PRKG1: variants seen among roughly 807,000 people sequenced by gnomAD.
The protein encoded by PRKG1 is protein kinase cGMP-dependent 1.
Under a neutral mutation model 88.1 loss-of-function variants are expected in PRKG1, and 35 were observed. The ratio of observed to expected loss-of-function variants is 0.40; its 90% CI spans 0.30 to 0.53. The LOEUF (loss-of-function observed/expected upper bound fraction) is 0.53, where lower values mean the gene tolerates loss of function less well. Ranked by LOEUF, PRKG1 falls within the 20% of genes least tolerant of loss-of-function variation. The pLI, the probability that PRKG1 is intolerant of heterozygous loss-of-function variation, is 0.59. For synonymous variants in PRKG1, 303 were observed against 292.5 expected (o/e 1.04, Z -0.37); for missense variants, 540 against 839.8 (o/e 0.64, Z 4.41).
intron 3 of PRKG1, among the ~76,000 whole-genome samples, chr10:51,488,556 A>T (rs1321019122): frequency 1.3e-5 from 2 of 151,690 alleles, no homozygotes; most frequent in Non-Finnish European, 2.9e-5. Flanking sequence ...ATCTATATTT[A>T]CTACTAGATG....
In PRKG1 at chr10:52,092,313, A is replaced by G. The variant is rs78190667; in HGVS notation, c.935+29682A>G. Among the ~76,000 whole-genome samples, 448 of 152,298 alleles carry G rather than the reference A, an allele frequency of 2.9e-3. 4 individuals are homozygous for G. The highest frequency in any genetic ancestry group is 3.9e-3 in the Non-Finnish European group (268 of 68,024). On this transcript the variant is annotated intron_variant, in intron 7 of 17. Coordinates refer to ENST00000373980, the MANE Select transcript of PRKG1 (RefSeq NM_006258.4). ...ACATACACTAAATTTTATTTTAAAT[A>G]AAATTTCCTATGCTTTTTGTTATAT...
chr10:52,077,854 A>G lies in PRKG1; in HGVS notation c.935+15223A>G, dbSNP rs369417731. 3.9e-5 allele frequency among the ~76,000 whole-genome samples: 6 copies of G among 152,168 alleles called. No individual in the cohort carries two copies. In the South Asian group the frequency reaches 1.2e-3, roughly 32 times the overall value. On this transcript the variant is annotated intron_variant, in intron 7 of 17. Transcript: ENST00000373980. Reference sequence around the variant, plus strand: ...AATAAACTCACTGACAGTAGTAATCATCTTCTATAAAGGCATGGGGTTTTG... The same window carrying G: ...AATAAACTCACTGACAGTAGTAATCGTCTTCTATAAAGGCATGGGGTTTTG...
chr10:51,801,014 T>C lies in PRKG1; in HGVS notation c.593-3571T>C, dbSNP rs569588814. Among the ~76,000 whole-genome samples the C allele has an allele frequency of 1.6e-4, 25 of 152,238 alleles. No individual in the cohort carries two copies. The South Asian group carries it at 4.4e-3, about 26-fold the overall frequency. On this transcript the variant is annotated intron_variant, in intron 3 of 17. Transcript: ENST00000373980. ...TGATTCTTTTCTGCAAAGCCTTCTT[T>C]AATCATCTCTTCTCAGCTCCTCCCC...
chr10:51,379,771 G>A (rs1021382953), intron 2 of PRKG1, among the ~76,000 whole-genome samples: 4 of 152,158 alleles, frequency 2.6e-5, no homozygotes, highest in Non-Finnish European at 4.4e-5. Flanking sequence ...TTTGAGACAA[G>A]GAATAAAACT....
At chr10:51,704,009 G>A (rs1480088336) in intron 3 of PRKG1, among the ~76,000 whole-genome samples, 3 of 151,750 alleles carry the variant, frequency 2.0e-5, no homozygotes, top group Admixed American at 1.3e-4. Flanking sequence ...ACCAGGTGTG[G>A]TGGTGCATGC....
chr10:51,122,506 G>A (rs531967517), intron 1 of PRKG1, among the ~76,000 whole-genome samples: 6 of 152,112 alleles, frequency 3.9e-5, no homozygotes, highest in Admixed American at 2.0e-4. Flanking sequence ...GGGTATATAC[G>A]TGTGATTAAG....
intron 9 of PRKG1, among the ~76,000 whole-genome samples, chr10:52,218,288 AG>A (rs1244659335): frequency 6.6e-6 from 1 of 151,642 alleles, no homozygotes; most frequent in Non-Finnish European, 1.5e-5. Flanking sequence ...GAATGAACTA[AG>A]GCGTCTTAAC....
At chr10:52,194,172 A>C (rs985744898) in intron 9 of PRKG1, among the ~76,000 whole-genome samples, 4 of 152,166 alleles carry the variant, frequency 2.6e-5, no homozygotes, top group African/African-American at 9.6e-5. Flanking sequence ...ACCAATAACT[A>C]GTTCTTAACA....
chr10:52,093,645 G>C (rs1181299239), intron 7 of PRKG1, among the ~76,000 whole-genome samples: 1 of 152,106 alleles, frequency 6.6e-6, no homozygotes, highest in African/African-American at 2.4e-5. Flanking sequence ...TGTTCAGATA[G>C]CTCTTGCAAA....
intron 3 of PRKG1, among the ~76,000 whole-genome samples, chr10:51,682,720 A>G (rs1840882183): frequency 6.6e-6 from 1 of 152,226 alleles, no homozygotes; most frequent in Admixed American, 6.5e-5. Flanking sequence ...CAGATTTGAA[A>G]GTGAGGTGTA....
chr10:51,830,944 T>C (rs1032194161), intron 4 of PRKG1, among the ~76,000 whole-genome samples: 71 of 148,482 alleles, frequency 4.8e-4, no homozygotes, highest in Admixed American at 8.6e-4. Flanking sequence ...AAATACTAAA[T>C]CTGTGCTACC....
In PRKG1 at chr10:51,536,651, T is replaced by A. The variant is rs140908377; in HGVS notation, c.592+68815T>A. Reference sequence around the variant, plus strand: ...TGGTACTTCCTATGTTTTCTTTTTTTTTATTATTATTATTATACTTTAAGT... The same window carrying A: ...TGGTACTTCCTATGTTTTCTTTTTTATTATTATTATTATTATACTTTAAGT... On this transcript the variant is annotated intron_variant, in intron 3 of 17. Coordinates refer to ENST00000373980, the MANE Select transcript of PRKG1 (RefSeq NM_006258.4). Among the ~76,000 whole-genome samples, 1,327 of 152,040 alleles carry A rather than the reference T, an allele frequency of 8.7e-3. 21 individuals carry two copies. Among genetic ancestry groups the A allele is most frequent in the African/African-American group, 0.029 (1,184 of 41,488 alleles).
chr10:51,345,583 G>A (rs1018180879), intron 2 of PRKG1, among the ~76,000 whole-genome samples: 5 of 151,776 alleles, frequency 3.3e-5, no homozygotes, highest in South Asian at 2.1e-4. Context: ...GAGGCTACTC[G>A]TTTGCTCTAA....
chr10:51,012,169 C>T (rs1843001486), intron 1 of PRKG1, among the ~76,000 whole-genome samples: 1 of 152,092 alleles, frequency 6.6e-6, no homozygotes, highest in Non-Finnish European at 1.5e-5. Context: ...TGCATGGTTT[C>T]AAAAAGTAGA....
chr10:51,781,173 C>T (rs1388652116), intron 3 of PRKG1, among the ~76,000 whole-genome samples: 1 of 151,916 alleles, frequency 6.6e-6, no homozygotes, highest in East Asian at 1.9e-4. Context: ...TTATTTTTCC[C>T]CAGGGCCAAA....
At chr10:51,726,864 C>T (rs1842144004) in intron 3 of PRKG1, among the ~76,000 whole-genome samples, 1 of 152,154 alleles carries the variant, frequency 6.6e-6, no homozygotes, top group South Asian at 2.1e-4. Context: ...GCAAGCTCCG[C>T]CTCCCAGGTT....
At chr10:51,114,217 A>G (rs1178467551) in intron 1 of PRKG1, among the ~76,000 whole-genome samples, 1 of 152,198 alleles carries the variant, frequency 6.6e-6, no homozygotes, top group Non-Finnish European at 1.5e-5. Context: ...AATATGCAAA[A>G]GAACATACTG....
chr10:51,765,056 G>A (rs912116659), intron 3 of PRKG1, among the ~76,000 whole-genome samples: 5 of 152,178 alleles, frequency 3.3e-5, no homozygotes, highest in African/African-American at 9.7e-5. Context: ...AGAGTATTTG[G>A]TTATAGCAGC....
At chr10:51,473,913 A>C (rs538074917) in intron 3 of PRKG1, among the ~76,000 whole-genome samples, 1 of 152,022 alleles carries the variant, frequency 6.6e-6, no homozygotes, top group East Asian at 1.9e-4. Context: ...GCTTAGAGGC[A>C]TTTTTAGTAT....
Sources: gnomAD v4.1 joint callset for allele counts (sites outside exome capture counted in the v4.1 genomes callset) on GRCh38, gnomAD v4.1.1 for gene constraint, MANE v1.5 for transcripts, NCBI Gene and HGNC (gene_info 2026-07-23, HGNC 2026-07-21) for gene names.